SNTN: variants seen among roughly 807,000 people sequenced by gnomAD.
SNTN encodes sentan.
SNTN carries 13 observed loss-of-function variants against 12.3 expected under a neutral mutation model. That is an observed-to-expected ratio of 1.05 (90% CI 0.69 to 1.67). The LOEUF (loss-of-function observed/expected upper bound fraction) is 1.67. SNTN is among the 40% of genes most tolerant of loss of function. SNTN has a pLI of 0.00. For missense variants in SNTN, 189 were observed against 169.8 expected (o/e 1.11, Z -0.63); for synonymous variants, 69 against 58.5 (o/e 1.18, Z -0.82).
At chr3:63,659,639 C>A in intron 2 of SNTN, 86 bp from the exon 3 acceptor site, 1 of 1,513,518 alleles carries the variant, frequency 6.6e-7, no homozygotes, top group Non-Finnish European at 9.0e-7. Context: ...AGGTTCCCTA[C>A]AGTTCCCTTG....
At position 63,664,165 on chromosome 3, in the gene SNTN, T is replaced by G. The variant is rs886152151; in HGVS notation, c.*70T>G. Reference sequence around the variant, plus strand: ...TATTAAAATGTTTCCATCTTATTTTTGATTAATTGAATATATCTATCATGC... The same window carrying G: ...TATTAAAATGTTTCCATCTTATTTTGGATTAATTGAATATATCTATCATGC... On this transcript the variant is annotated 3_prime_UTR_variant, in exon 4 of 4. Coordinates refer to ENST00000343837, the MANE Select transcript of SNTN (RefSeq NM_001080537.2). The G allele has an allele frequency of 3.6e-6, 5 of 1,403,538 alleles. No homozygotes were observed. The highest frequency in any genetic ancestry group is 4.8e-6 in the Non-Finnish European group (5 of 1,046,724). The allele number at this position is 1,403,538 out of a possible 1,614,324, so 86.9% of individuals were successfully genotyped here.
At chr3:63,657,359 G>A (rs1049873547) in intron 2 of SNTN, among the ~76,000 whole-genome samples, 1 of 152,144 alleles carries the variant, frequency 6.6e-6, no homozygotes, top group African/African-American at 2.4e-5. Context: ...TGTGTTTTCA[G>A]TTGCACTTAG....
Position 63,659,862 on chromosome 3 carries a change from G to A in SNTN, c.283G>A (p.Glu95Lys). 1.2e-6 allele frequency: 2 copies of A among 1,613,918 alleles called. No individual in the cohort carries two copies. The highest frequency in any genetic ancestry group is 1.7e-6 in the Non-Finnish European group (2 of 1,179,896). ...LLQTQFRNFA[E>K]GQETKPKYRE... Reference sequence around the variant, plus strand: ...GCAAACCCAATTTAGGAATTTCGCAGAGGTGAGAGAATTAACTTGCATAAA... The same window carrying A: ...GCAAACCCAATTTAGGAATTTCGCAAAGGTGAGAGAATTAACTTGCATAAA... The change falls in exon 3 of 4, where the codon GAG becomes AAG. Residue 95 changes from glutamate to lysine, a missense_variant and splice_region_variant. Coordinates refer to ENST00000343837, the MANE Select transcript of SNTN (RefSeq NM_001080537.2).
chr3:63,658,534 G>A (rs542188802), intron 2 of SNTN, among the ~76,000 whole-genome samples: 4 of 151,732 alleles, frequency 2.6e-5, no homozygotes, highest in South Asian at 2.1e-4. Context: ...TAGATCGTAA[G>A]ATCTATGAGA....
chr3:63,654,657 T>C, intron 1 of SNTN, 105 bp from the exon 2 acceptor site: 1 of 1,013,502 alleles, frequency 9.9e-7, no homozygotes, highest in South Asian at 1.7e-5. Flanking sequence ...CAGAGAATGT[T>C]TACCAAAATA....
chr3:63,660,175 A>G (rs886537615), intron 3 of SNTN, among the ~76,000 whole-genome samples: 2 of 152,170 alleles, frequency 1.3e-5, no homozygotes, highest in Non-Finnish European at 2.9e-5. Context: ...CTCCTGGAAA[A>G]CTAAGGTATA....
At chr3:63,661,452 G>A (rs1700743445) in intron 3 of SNTN, among the ~76,000 whole-genome samples, 1 of 152,160 alleles carries the variant, frequency 6.6e-6, no homozygotes, top group South Asian at 2.1e-4. Context: ...ACTGGGGGGA[G>A]CTAAGTCAAG....
intron 3 of SNTN, among the ~76,000 whole-genome samples, chr3:63,661,445 G>A (rs796274440): frequency 6.6e-6 from 1 of 152,054 alleles, no homozygotes; most frequent in African/African-American, 2.4e-5. Flanking sequence ...GTCACCCACT[G>A]GGGGGAGCTA....
chr3:63,662,777 A>G (rs997366074), intron 3 of SNTN, among the ~76,000 whole-genome samples: 2 of 152,228 alleles, frequency 1.3e-5, no homozygotes, highest in Admixed American at 6.5e-5. Flanking sequence ...ATGGCTTTGT[A>G]CACCTAGCAC....
rs565440298 is a variant in SNTN at position 63,658,798 on chromosome 3, C to T, written c.146-927C>T. On this transcript the variant is annotated intron_variant, in intron 2 of 3. Transcript: ENST00000343837. ...CATGTTATTCGGACTGAACATCATT[C>T]TTTGAAACTGTCATTGTTGCACATT... Among the ~76,000 whole-genome samples, 4 of 152,228 alleles carry T rather than the reference C, an allele frequency of 2.6e-5. No homozygotes were observed. The South Asian group carries it at 8.3e-4, about 32-fold the overall frequency.
intron 3 of SNTN, among the ~76,000 whole-genome samples, chr3:63,661,722 C>T (rs1470443003): frequency 6.7e-6 from 1 of 149,382 alleles, no homozygotes; most frequent in East Asian, 2.0e-4. Flanking sequence ...CAAGAGATAA[C>T]AAGTTTTGGG....
chr3:63,660,995 T>C (rs1407405238), intron 3 of SNTN, among the ~76,000 whole-genome samples: 1 of 152,242 alleles, frequency 6.6e-6, no homozygotes, highest in African/African-American at 2.4e-5. Context: ...CTATAGCCTG[T>C]GTTGCTTAGA....
rs1296546580 is a variant in SNTN, at chr3:63,664,599, A to G, written c.*504A>G. 1 of 151,866 alleles carries G rather than the reference A, an allele frequency of 6.6e-6. No homozygotes were observed. Among genetic ancestry groups the G allele is most frequent in the African/African-American group, 2.4e-5 (1 of 41,314 alleles). The allele number at this position is 151,866 out of a possible 1,614,324, so 9.4% of individuals were successfully genotyped here. On this transcript the variant is annotated 3_prime_UTR_variant, in exon 4 of 4. Transcript: ENST00000343837. ...CTATAGGATGCTAAAAGAGATTATC[A>G]CCTGATCGGAGTTCAAAGGTCAGAA...
chr3:63,654,959 G>A (rs754924744), intron 2 of SNTN, among the ~76,000 whole-genome samples, 163 bp downstream of exon 2: 1 of 152,178 alleles, frequency 6.6e-6, no homozygotes, highest in Non-Finnish European at 1.5e-5. Flanking sequence ...TGTGGGAACT[G>A]AAGTCCCGGA....
At position 63,652,781 on chromosome 3, in the gene SNTN, A is replaced by G; in HGVS notation, c.94A>G (p.Arg32Gly). Residue 32 changes from arginine to glycine, a missense_variant, in exon 1 of 4, where the codon AGG becomes GGG. Physicochemically the swap from Arg to Gly is moderately radical, Grantham distance 125 (BLOSUM62 -2). Transcript: ENST00000343837. ...AGCCCCAACATCCACCTGCGCACCT[A>G]GGAAAATGCCCAAAAGGTCAGTGGC... is the stretch of plus-strand genomic sequence containing the variant. ...SAAPTSTCAP[R>G]KMPKRISISK... The G allele has an allele frequency of 4.3e-6, 7 of 1,614,046 alleles. No homozygotes were observed. The highest frequency in any genetic ancestry group is 5.9e-6 in the Non-Finnish European group (7 of 1,179,918).
At chr3:63,654,890 A>G in intron 2 of SNTN, 94 bp downstream of exon 2, 1 of 1,119,478 alleles carries the variant, frequency 8.9e-7, no homozygotes, top group Non-Finnish European at 1.3e-6. Flanking sequence ...AAAGAATGCC[A>G]GAGATGTAAG....
intron 3 of SNTN, among the ~76,000 whole-genome samples, chr3:63,661,735 G>A (rs1700745773): frequency 6.6e-6 from 1 of 151,628 alleles, no homozygotes; most frequent in Non-Finnish European, 1.5e-5. Flanking sequence ...GTTTTGGGGA[G>A]TCTAAGGAAA....
intron 1 of SNTN, among the ~76,000 whole-genome samples, chr3:63,653,977 A>T (rs116565464): frequency 3.1e-3 from 477 of 152,246 alleles, no homozygotes; most frequent in Non-Finnish European, 5.9e-3. Context: ...AGGCCTCAAC[A>T]CATAAGTTTC....
At chr3:63,663,588 T>C in intron 3 of SNTN, 1 of 233,020 alleles carries the variant, frequency 4.3e-6, no homozygotes. Context: ...GGGTGGTGAG[T>C]GAGTTCTCAC....
Sources: allele counts gnomAD v4.1 joint callset (sites outside exome capture counted in the v4.1 genomes callset), GRCh38; gene constraint gnomAD v4.1.1; transcripts MANE v1.5; gene names NCBI Gene and HGNC (gene_info 2026-07-23, HGNC 2026-07-21).